Variants in CALN1 observed in about 807,000 individuals in gnomAD.
CALN1 encodes calneuron 1, also known as calcium-binding protein 8.
Under a neutral mutation model 30.6 loss-of-function variants are expected in CALN1, and 17 were observed. The ratio of observed to expected loss-of-function variants is 0.56; its 90% CI spans 0.38 to 0.83. The LOEUF is 0.83. Ranked by LOEUF, CALN1 falls within the 40% of genes least tolerant of loss-of-function variation. The pLI is 0.00. For synonymous variants in CALN1, 156 were observed against 131.4 expected, an observed-to-expected ratio of 1.19 and a Z score of -1.28; for missense variants, 291 against 354.9, an observed-to-expected ratio of 0.82 and a Z score of 1.45.
rs114958656 is a variant in CALN1, at chr7:71,952,241, A to G, written c.501+71416T>C. Among the ~76,000 whole-genome samples, 1,401 of 152,308 alleles carry G rather than the reference A, an allele frequency of 9.2e-3. 20 individuals carry two copies. Among genetic ancestry groups the G allele is most frequent in the African/African-American group, 0.031 (1,277 of 41,562 alleles). ...TCACCTGGCAGGATCTTCCTAAATC[A>G]TGAAACTTTCATGCTTAGGGTCCTC... On this transcript the variant is annotated intron_variant, in intron 5 of 6. Transcript: ENST00000395275.
At chr7:72,174,207 C>T (rs1423994078) in intron 3 of CALN1, among the ~76,000 whole-genome samples, 1 of 152,076 alleles carries the variant, frequency 6.6e-6, no homozygotes, top group Non-Finnish European at 1.5e-5. Context: ...CACACTTCAG[C>T]AGAATGGTTA....
intron 2 of CALN1, among the ~76,000 whole-genome samples, chr7:72,375,363 G>C (rs1229443311): frequency 6.6e-6 from 1 of 151,856 alleles, no homozygotes; most frequent in Non-Finnish European, 1.5e-5. Context: ...AGGAGTTTGA[G>C]AACAGCCTGG....
At chr7:72,165,781 T>G (rs1788480882) in intron 3 of CALN1, among the ~76,000 whole-genome samples, 1 of 151,874 alleles carries the variant, frequency 6.6e-6, no homozygotes, top group Non-Finnish European at 1.5e-5. Flanking sequence ...GTATACTAGA[T>G]AAAATGCAGG....
intron 3 of CALN1, among the ~76,000 whole-genome samples, chr7:72,208,599 G>T (rs941739143): frequency 6.6e-6 from 1 of 152,094 alleles, no homozygotes; most frequent in African/African-American, 2.4e-5. Context: ...GTTCCACCTG[G>T]GTGGCAGAAT....
intron 3 of CALN1, among the ~76,000 whole-genome samples, chr7:72,234,131 G>T (rs1048231133): frequency 1.1e-4 from 16 of 152,336 alleles, no homozygotes; most frequent in Middle Eastern, 3.4e-3. Flanking sequence ...AGAAGAGTTT[G>T]CCATGGACAG....
intron 5 of CALN1, among the ~76,000 whole-genome samples, chr7:71,827,782 AT>A (rs1291848285): frequency 8.8e-5 from 13 of 148,074 alleles, no homozygotes; most frequent in Middle Eastern, 3.5e-3. Flanking sequence ...AAAAAAATAA[AT>A]AAATAAATAA....
chr7:72,367,243 T>C (rs776808346), intron 2 of CALN1, among the ~76,000 whole-genome samples: 15 of 152,076 alleles, frequency 9.9e-5, no homozygotes, highest in Non-Finnish European at 2.1e-4. Context: ...TCCAAACACT[T>C]TGGGAGGCTG....
intron 3 of CALN1, among the ~76,000 whole-genome samples, chr7:72,213,562 A>C (rs1337108657): frequency 6.6e-6 from 1 of 152,194 alleles, no homozygotes; most frequent in Non-Finnish European, 1.5e-5. Context: ...TGTAAATGAT[A>C]CTTAATAAAT....
At chr7:72,319,245 C>T (rs937000591) in intron 2 of CALN1, among the ~76,000 whole-genome samples, 1 of 152,116 alleles carries the variant, frequency 6.6e-6, no homozygotes, top group Non-Finnish European at 1.5e-5. Context: ...GGACAATTTA[C>T]AAAAGAAAGA....
chr7:71,982,626 G>A (rs961103126), intron 5 of CALN1, among the ~76,000 whole-genome samples: 2 of 151,952 alleles, frequency 1.3e-5, no homozygotes, highest in African/African-American at 4.8e-5. Context: ...TAAATGCAAG[G>A]GTAACCTCTA....
At chr7:71,973,320 T>C (rs1444978131) in intron 5 of CALN1, among the ~76,000 whole-genome samples, 1 of 152,092 alleles carries the variant, frequency 6.6e-6, no homozygotes, top group Non-Finnish European at 1.5e-5. Flanking sequence ...GGATTACATG[T>C]GCGCACCATC....
At chr7:72,230,135 C>T (rs372930292) in intron 3 of CALN1, among the ~76,000 whole-genome samples, 1 of 150,812 alleles carries the variant, frequency 6.6e-6, no homozygotes, top group African/African-American at 2.4e-5. Flanking sequence ...AGCAAGACTC[C>T]GTCTCAAAAA....
intron 4 of CALN1, among the ~76,000 whole-genome samples, chr7:72,077,744 C>G (rs1410829272): frequency 6.6e-6 from 1 of 152,210 alleles, no homozygotes; most frequent in Non-Finnish European, 1.5e-5. Context: ...TGAAATAAGA[C>G]CACACCCATT....
intron 1 of CALN1, among the ~76,000 whole-genome samples, chr7:72,408,585 T>C (rs113497777): frequency 1.3e-5 from 2 of 151,768 alleles, no homozygotes; most frequent in Non-Finnish European, 2.9e-5. Context: ...TTGTATAAAT[T>C]CATGGGATAC....
chr7:71,811,051 C>T (rs771621015), intron 5 of CALN1, among the ~76,000 whole-genome samples: 8 of 152,008 alleles, frequency 5.3e-5, no homozygotes, highest in East Asian at 1.9e-4. Flanking sequence ...CCCGCCACCA[C>T]GCCCGGCTAA....
At chr7:72,413,217 A>G (rs1449322595), upstream of CALN1, among the ~76,000 whole-genome samples, 1 of 151,022 alleles carries the variant, frequency 6.6e-6, no homozygotes, top group Non-Finnish European at 1.5e-5. Context: ...ACACACACTC[A>G]TACACACATA....
At chr7:72,375,011 C>T (rs951382909) in intron 2 of CALN1, among the ~76,000 whole-genome samples, 1 of 151,716 alleles carries the variant, frequency 6.6e-6, no homozygotes, top group African/African-American at 2.4e-5. Flanking sequence ...TTTATACTTA[C>T]AAAAACTTAA....
At chr7:71,939,403 CAAAAAAAAAA>C (rs56368426) in intron 5 of CALN1, among the ~76,000 whole-genome samples, 1 of 105,456 alleles carries the variant, frequency 9.5e-6, no homozygotes. Flanking sequence ...ACTAAAAATA[CAAAAAAAAAA>C]AAAAAAAAAG....
At chr7:71,849,436 A>ATTTTT (rs3063933) in intron 5 of CALN1, among the ~76,000 whole-genome samples, 25 of 140,270 alleles carry the variant, frequency 1.8e-4, no homozygotes, top group African/African-American at 6.0e-4. Flanking sequence ...GGATCTTCCT[A>ATTTTT]TTTTTTTTTT....
Sources: gnomAD v4.1 joint callset for allele counts (sites outside exome capture counted in the v4.1 genomes callset) on GRCh38, gnomAD v4.1.1 for gene constraint, MANE v1.5 for transcripts, NCBI Gene and HGNC (gene_info 2026-07-23, HGNC 2026-07-21) for gene names.